The following TMBIM4 variants were observed in gnomAD, a reference collection of about 807,000 sequenced individuals.
The protein encoded by TMBIM4 is protein lifeguard 4.
In TMBIM4, 28 loss-of-function variants were observed where a neutral mutation model predicts 27.7. The observed-to-expected ratio is 1.01, with a 90% CI of 0.75 to 1.38. The LOEUF (loss-of-function observed/expected upper bound fraction) is 1.38. Ranked by LOEUF, TMBIM4 falls within the 40% of genes most tolerant of loss-of-function variation. The pLI, the probability that TMBIM4 is intolerant of heterozygous loss-of-function variation, is 0.00. For missense variants in TMBIM4, 265 were observed against 277.5 expected (o/e 0.95, Z 0.32); for synonymous variants, 115 against 113.1 (o/e 1.02, Z -0.11).
In TMBIM4 at chr12:66,169,874, G is replaced by A; in HGVS notation, c.78C>T (p.Ala26=). Residue 26 remains alanine (A), a synonymous_variant, in exon 1 of 7, where the codon GCC becomes GCT. Transcript: ENST00000358230. Reference sequence around the variant, plus strand: ...ACGTACCCATTCGGATGTGCACGGTGGCGGAGGCCACGCTGCTGCCATAGT... The same window carrying A: ...ACGTACCCATTCGGATGTGCACGGTAGCGGAGGCCACGCTGCTGCCATAGT... ...DFNYGSSVAS[A]TVHIRMAFLR... is the part of the protein sequence containing the mutation. 6.6e-7 allele frequency: 1 copy of A among 1,511,004 alleles called. No homozygotes were observed. 93.6% of individuals were successfully genotyped at this position (1,511,004 alleles called of 1,614,324 possible).
chr12:66,136,771 G>C lies in TMBIM4; in HGVS notation c.*1189C>G, dbSNP rs1015483132. On this transcript the variant is annotated 3_prime_UTR_variant, in exon 7 of 7. Coordinates refer to ENST00000358230, the MANE Select transcript of TMBIM4 (RefSeq NM_016056.4). ...CTTGATCTTGGACTTTTAGCCTCCAGAACTGTGGGAAAACAAATTTCTTGT... is the reference window on the plus strand; with the variant it reads ...CTTGATCTTGGACTTTTAGCCTCCACAACTGTGGGAAAACAAATTTCTTGT... 1 of 152,194 alleles carries C rather than the reference G, an allele frequency of 6.6e-6. No individual in the cohort carries two copies. Among genetic ancestry groups the C allele is most frequent in the African/African-American group, 2.4e-5 (1 of 41,430 alleles). 9.4% of individuals were successfully genotyped at this position (152,194 alleles called of 1,614,324 possible). A position where few individuals can be genotyped will look rare whatever the true frequency, so the allele number is the denominator to read the frequency against.
chr12:66,150,507 C>T (rs749326622), intron 3 of TMBIM4, among the ~76,000 whole-genome samples: 15 of 152,028 alleles, frequency 9.9e-5, no homozygotes, highest in Non-Finnish European at 1.3e-4. Flanking sequence ...CTCCACCTCC[C>T]GGTTTAAGTG....
chr12:66,137,911 C>G lies in TMBIM4; in HGVS notation c.*49G>C. On this transcript the variant is annotated 3_prime_UTR_variant, in exon 7 of 7. Coordinates refer to ENST00000358230, the MANE Select transcript of TMBIM4 (RefSeq NM_016056.4). ...CTTCCAATTACTTTAATCCTTTTTT[C>G]TCATTAAATTTTTTTTGTTGTTCTT... The G allele has an allele frequency of 1.3e-6, 2 of 1,519,322 alleles. No homozygotes were observed. The highest frequency in any genetic ancestry group is 1.8e-6 in the Non-Finnish European group (2 of 1,103,610). 94.1% of individuals were successfully genotyped at this position (1,519,322 alleles called of 1,614,324 possible).
At chr12:66,168,704 A>G (rs984173359) in intron 1 of TMBIM4, 4 of 152,260 alleles carry the variant, frequency 2.6e-5, no homozygotes, top group Non-Finnish European at 4.4e-5. Flanking sequence ...TTCTCTCTCC[A>G]TAAATTTTCT....
rs1215575752 is a variant in TMBIM4, at chr12:66,169,926, G to A, written c.26C>T (p.Pro9Leu). The A allele has an allele frequency of 6.7e-7, 1 of 1,494,744 alleles. No homozygotes were observed. Among genetic ancestry groups the A allele is most frequent in the Non-Finnish European group, 8.9e-7 (1 of 1,124,100 alleles). 92.6% of individuals were successfully genotyped at this position (1,494,744 alleles called of 1,614,324 possible). Residue 9 changes from proline to leucine, a missense_variant, in exon 1 of 7, where the codon CCT becomes CTT. Physicochemically the swap from Pro to Leu is moderately conservative, Grantham distance 98 (BLOSUM62 -3). Transcript: ENST00000358230. ...GAAGTCGTCCTCGATCGAGGAGCGAGGGTACCGGGGGTCGGGGTCAGCCAT... is the reference window on the plus strand; with the variant it reads ...GAAGTCGTCCTCGATCGAGGAGCGAAGGTACCGGGGGTCGGGGTCAGCCAT... MADPDPRY[P>L]RSSIEDDFNY... is the part of the protein sequence containing the mutation.
At chr12:66,151,153 T>C (rs963452722) in intron 3 of TMBIM4, among the ~76,000 whole-genome samples, 1 of 138,198 alleles carries the variant, frequency 7.2e-6, no homozygotes, top group African/African-American at 2.9e-5. Context: ...CACAAACTCA[T>C]TATCAGAATT....
intron 1 of TMBIM4, chr12:66,160,315 T>A (rs1364389465): frequency 4.4e-6 from 3 of 678,916 alleles, no homozygotes; most frequent in Non-Finnish European, 8.0e-6. Flanking sequence ...ACTGATTAAA[T>A]CAATCAAATT....
rs76627773 is a variant in TMBIM4 at position 66,167,033 on chromosome 12, T to C, written c.97+2822A>G. On this transcript the variant is annotated intron_variant, in intron 1 of 6. Transcript: ENST00000358230. ...CATATTATAAGTGAAAAAGGCCAAT[T>C]TGAAAGGTTACATGATAATTCCAAC... Among the ~76,000 whole-genome samples the C allele has an allele frequency of 3.9e-5, 6 of 152,104 alleles. No individual in the cohort carries two copies. The East Asian group carries it at 9.6e-4, about 24-fold the overall frequency.
At chr12:66,139,589 C>T in intron 5 of TMBIM4, 1 of 455,858 alleles carries the variant, frequency 2.2e-6, no homozygotes, top group South Asian at 1.5e-5. Flanking sequence ...CTTGCGGTCT[C>T]CTTGAGTTGA....
Position 66,137,591 on chromosome 12 carries a change from T to C in TMBIM4, c.*369A>G, listed in dbSNP as rs11833265. The stretch of plus-strand genomic sequence containing the variant: ...TTGTATTTTTAGTAGAGACGGGGTT[T>C]CACCATGTTGGCCAGGATGGTCTCA... On this transcript the variant is annotated 3_prime_UTR_variant, in exon 7 of 7. Coordinates refer to ENST00000358230, the MANE Select transcript of TMBIM4 (RefSeq NM_016056.4). 517 of 203,288 alleles carry C rather than the reference T, an allele frequency of 2.5e-3. 1 individual carries two copies. The highest frequency in any genetic ancestry group is 0.012 in the African/African-American group (502 of 41,954). The allele number at this position is 203,288 out of a possible 1,614,324, so 12.6% of individuals were successfully genotyped here.
rs767782535 is a variant in TMBIM4 at position 66,137,963 on chromosome 12, CT to C, written c.713del (p.Lys238SerfsTer3). On this transcript the variant is annotated frameshift_variant, in exon 7 of 7. Coordinates refer to ENST00000358230, the MANE Select transcript of TMBIM4 (RefSeq NM_016056.4). LOFTEE classifies it high-confidence loss of function. ...LLRFLEAVNK[K>X] ...AGTTGAGCTGAGATACTTTTAATTA[CT>C]TTTTATTAACTGCTTCCAGAAACCG... 1.6e-5 allele frequency: 25 copies of C among 1,610,830 alleles called. No homozygotes were observed. In the East Asian group the frequency reaches 5.4e-4, roughly 35 times the overall value.
chr12:66,166,639 T>C (rs2052135594), intron 1 of TMBIM4, among the ~76,000 whole-genome samples: 1 of 152,188 alleles, frequency 6.6e-6, no homozygotes, highest in Non-Finnish European at 1.5e-5. Flanking sequence ...AACACTGATA[T>C]CATCAAATGC....
intron 5 of TMBIM4, among the ~76,000 whole-genome samples, chr12:66,143,277 A>G (rs1268595827): frequency 2.6e-5 from 4 of 152,208 alleles, no homozygotes; most frequent in Non-Finnish European, 4.4e-5. Context: ...TACCATGGAC[A>G]TAGTGCTGAT....
intron 5 of TMBIM4, among the ~76,000 whole-genome samples, chr12:66,142,454 A>G (rs1297614761): frequency 6.6e-6 from 1 of 150,624 alleles, no homozygotes; most frequent in East Asian, 1.9e-4. Context: ...TCATGGATGC[A>G]TCAAGCTCCT....
At chr12:66,145,991 T>A in intron 4 of TMBIM4, 33 bp from the exon 5 acceptor site, 1 of 1,169,330 alleles carries the variant, frequency 8.6e-7, no homozygotes, top group Non-Finnish European at 1.3e-6. Flanking sequence ...AACATGCATA[T>A]AAACATGCTC....
chr12:66,152,905 T>C (rs2051872282), intron 2 of TMBIM4, among the ~76,000 whole-genome samples: 1 of 151,902 alleles, frequency 6.6e-6, no homozygotes, highest in African/African-American at 2.4e-5. Flanking sequence ...GATTCATCCC[T>C]GATTAAAGAT....
At chr12:66,169,342 G>A (rs891017794) in intron 1 of TMBIM4, 3 of 679,512 alleles carry the variant, frequency 4.4e-6, no homozygotes, top group Non-Finnish European at 8.0e-6. Context: ...AAGACCTGTT[G>A]CATTCTGGGC....
rs201212881 is a variant in TMBIM4 at position 66,140,482 on chromosome 12, C to CA, written c.465-1714dup. On this transcript the variant is annotated intron_variant, in intron 5 of 6. Coordinates refer to ENST00000358230, the MANE Select transcript of TMBIM4 (RefSeq NM_016056.4). Reference sequence around the variant, plus strand: ...AAAAAGACAAAGAAAAACAAACAAACAAAAAAAACAGAACAGTGAATTAGG... The same window carrying CA: ...AAAAAGACAAAGAAAAACAAACAAACAAAAAAAAACAGAACAGTGAATTAGG... 1.9e-3 allele frequency among the ~76,000 whole-genome samples: 295 copies of CA among 151,434 alleles called. 9 individuals are homozygous for CA. In the East Asian group the frequency reaches 0.049, roughly 25 times the overall value.
Position 66,169,249 on chromosome 12 carries a change from T to C in TMBIM4, c.97+606A>G, listed in dbSNP as rs1005650308. On this transcript the variant is annotated intron_variant, in intron 1 of 6. Coordinates refer to ENST00000358230, the MANE Select transcript of TMBIM4 (RefSeq NM_016056.4). ...TTTTAAATTCAAAAATTTCTGCCCA[T>C]TGGCTACTACGTAATAACTTAAAAC... is the stretch of plus-strand genomic sequence containing the variant. 8.6e-6 allele frequency: 6 copies of C among 697,530 alleles called. No individual in the cohort carries two copies. In the Admixed American group the frequency reaches 1.0e-4, roughly 12 times the overall value. The allele number at this position is 697,530 out of a possible 1,614,324, so 43.2% of individuals were successfully genotyped here. A position where few individuals can be genotyped will look rare whatever the true frequency, so the allele number is the denominator to read the frequency against.
Sources: gnomAD v4.1 joint callset for allele counts (sites outside exome capture counted in the v4.1 genomes callset) on GRCh38, gnomAD v4.1.1 for gene constraint, MANE v1.5 for transcripts, NCBI Gene and HGNC (gene_info 2026-07-23, HGNC 2026-07-21) for gene names.